The following PVT1 variants were observed in gnomAD, a reference collection of about 807,000 sequenced individuals.
PVT1 encodes the protein CXCR4/PVT1 fusion.
intron 4 of PVT1, chr8:127,998,255 T>C (rs534816749): frequency 4.7e-4 from 72 of 152,344 alleles, no homozygotes; most frequent in African/African-American, 1.7e-3. Context: ...TGCTCTTCCT[T>C]CTCCATGGCT....
chr8:127,925,189 T>C (rs1168830457), intron 3 of PVT1, among the ~76,000 whole-genome samples: 1 of 152,240 alleles, frequency 6.6e-6, no homozygotes, highest in Non-Finnish European at 1.5e-5. Flanking sequence ...ATCTGTGTTG[T>C]AGCATAGATC....
At chr8:127,934,797 C>T (rs911711504) in intron 3 of PVT1, among the ~76,000 whole-genome samples, 4 of 152,048 alleles carry the variant, frequency 2.6e-5, no homozygotes, top group African/African-American at 4.8e-5. Context: ...AATGGTTTTT[C>T]GGAGGGCCTG....
intron 4 of PVT1, among the ~76,000 whole-genome samples, chr8:128,004,196 C>T (rs1344475189): frequency 3.3e-5 from 5 of 152,224 alleles, no homozygotes; most frequent in Non-Finnish European, 7.3e-5. Flanking sequence ...TTTCAGTCCA[C>T]AGCAGGCCGC....
At chr8:127,852,988 ACAAGGTT>A (rs1018028588) in intron 2 of PVT1, among the ~76,000 whole-genome samples, 1 of 152,140 alleles carries the variant, frequency 6.6e-6, no homozygotes, top group African/African-American at 2.4e-5. Flanking sequence ...GAGAGAACAG[ACAAGGTT>A]CTCTCTCACG....
At chr8:127,813,812 C>T (rs12216820) in intron 2 of PVT1, among the ~76,000 whole-genome samples, 66,365 of 151,988 alleles carry the variant, frequency 0.44, 14,904 homozygotes, top group African/African-American at 0.53. Context: ...CACATGGAAA[C>T]GAGAGGCAGA....
chr8:127,850,448 A>C (rs755113934), intron 2 of PVT1, among the ~76,000 whole-genome samples: 2 of 152,208 alleles, frequency 1.3e-5, no homozygotes, highest in Non-Finnish European at 2.9e-5. Context: ...GCCCTGGTTC[A>C]GGTATCCTAA....
intron 3 of PVT1, among the ~76,000 whole-genome samples, chr8:127,950,952 C>T (rs1816498732): frequency 6.6e-6 from 1 of 152,168 alleles, no homozygotes; most frequent in South Asian, 2.1e-4. Context: ...GGCTGGAGTG[C>T]AGTGGTATGA....
At chr8:127,799,969 G>T (rs969585452) in intron 2 of PVT1, among the ~76,000 whole-genome samples, 4 of 152,180 alleles carry the variant, frequency 2.6e-5, no homozygotes, top group Non-Finnish European at 5.9e-5. Context: ...GCAGAAGTGG[G>T]TCTCAGGAAG....
chr8:127,981,679 C>G (rs1012234985), intron 3 of PVT1, among the ~76,000 whole-genome samples: 1 of 152,212 alleles, frequency 6.6e-6, no homozygotes, highest in Non-Finnish European at 1.5e-5. Flanking sequence ...AGGTAGAAGA[C>G]TAGGAGTGGA....
At chr8:127,954,816 G>A (rs894998187) in intron 3 of PVT1, among the ~76,000 whole-genome samples, 6 of 152,148 alleles carry the variant, frequency 3.9e-5, no homozygotes, top group African/African-American at 1.4e-4. Context: ...TGGTCCTGGG[G>A]GTCTGTGAGC....
intron 4 of PVT1, among the ~76,000 whole-genome samples, chr8:128,000,821 A>G (rs1817168754): frequency 6.6e-6 from 1 of 152,166 alleles, no homozygotes; most frequent in Non-Finnish European, 1.5e-5. Flanking sequence ...GGAGCTCTGC[A>G]AGGTCCTCCA....
At chr8:128,009,771 G>A (rs1439607320) in intron 4 of PVT1, 2 of 152,182 alleles carry the variant, frequency 1.3e-5, no homozygotes, top group Non-Finnish European at 2.9e-5. Context: ...ATGACTAGCA[G>A]GGTAAACCAC....
At chr8:127,907,805 G>A (rs930887188) in intron 3 of PVT1, among the ~76,000 whole-genome samples, 3 of 152,142 alleles carry the variant, frequency 2.0e-5, no homozygotes, top group Non-Finnish European at 2.9e-5. Context: ...GGATTTCCAA[G>A]GCACGTTTTA....
At chr8:128,079,811 G>A (rs780653278) in intron 5 of PVT1, among the ~76,000 whole-genome samples, 1 of 150,510 alleles carries the variant, frequency 6.6e-6, no homozygotes, top group African/African-American at 2.5e-5. Flanking sequence ...TGCCAGCTCC[G>A]CCTCCTGGGT....
intron 3 of PVT1, among the ~76,000 whole-genome samples, chr8:127,961,071 G>A (rs1030018637): frequency 6.6e-6 from 1 of 152,138 alleles, no homozygotes; most frequent in Non-Finnish European, 1.5e-5. Flanking sequence ...TGGACTTAGG[G>A]TGGTCAGGGG....
chr8:127,897,974 G>A (rs533675753), intron 3 of PVT1, among the ~76,000 whole-genome samples: 1 of 147,722 alleles, frequency 6.8e-6, no homozygotes, highest in South Asian at 2.1e-4. Flanking sequence ...AAGGAAGGAA[G>A]GAAGAAAGAA....
chr8:127,824,647 G>C (rs924575557), intron 2 of PVT1, among the ~76,000 whole-genome samples: 1 of 152,026 alleles, frequency 6.6e-6, no homozygotes, highest in Non-Finnish European at 1.5e-5. Context: ...TTTTAAACTT[G>C]AGATCATGTA....
intron 2 of PVT1, among the ~76,000 whole-genome samples, chr8:127,856,577 G>T (rs1034122593): frequency 6.6e-6 from 1 of 152,112 alleles, no homozygotes; most frequent in Non-Finnish European, 1.5e-5. Flanking sequence ...CCGACCTCAG[G>T]TGATCCTCCT....
intron 2 of PVT1, among the ~76,000 whole-genome samples, chr8:127,865,926 G>C (rs560285144): frequency 6.6e-6 from 1 of 152,258 alleles, no homozygotes; most frequent in East Asian, 1.9e-4. Flanking sequence ...CAGTGAGTTG[G>C]GCCACTGAAG....
Sources: allele counts gnomAD v4.1 joint callset (sites outside exome capture counted in the v4.1 genomes callset), GRCh38; gene constraint gnomAD v4.1.1; transcripts MANE v1.5; gene names NCBI Gene and HGNC (gene_info 2026-07-23, HGNC 2026-07-21).